NME8: variants seen among roughly 807,000 people sequenced by gnomAD.
NME8 encodes NME/NM23 family member 8, also known as protein NME8.
In NME8, 72 loss-of-function variants were observed where a neutral mutation model predicts 82.3. The observed-to-expected ratio is 0.87, with a 90% CI of 0.72 to 1.06. The LOEUF is 1.06. NME8 is among the 50% of genes least tolerant of loss of function. The pLI, the probability that NME8 is intolerant of heterozygous loss-of-function variation, is 0.00. For synonymous variants in NME8, 267 were observed against 228.5 expected (o/e 1.17, Z -1.52); for missense variants, 712 against 685.4 (o/e 1.04, Z -0.43).
At chr7:37,887,317 G>A (rs1300439835) in intron 14 of NME8, among the ~76,000 whole-genome samples, 1 of 152,110 alleles carries the variant, frequency 6.6e-6, no homozygotes. Context: ...CTCACCTGGA[G>A]GTTTCCCTTC....
chr7:37,850,506 T>C lies in NME8; in HGVS notation c.91+71T>C, dbSNP rs1009304897. Reference sequence around the variant, plus strand: ...AGCTCCTCCTGGCACCCTGTCCCTCTAGAGTCCCCACTTTGACCAAGAAAT... The same window carrying C: ...AGCTCCTCCTGGCACCCTGTCCCTCCAGAGTCCCCACTTTGACCAAGAAAT... On this transcript the variant is annotated intron_variant, in intron 4 of 17. Transcript: ENST00000199447. The C allele has an allele frequency of 6.4e-6, 10 of 1,573,366 alleles. No homozygotes were observed. In the East Asian group the frequency reaches 1.8e-4, roughly 28 times the overall value.
At chr7:37,859,592 ACTAGAGGT>A (rs1413942621) in intron 6 of NME8, among the ~76,000 whole-genome samples, 1 of 152,116 alleles carries the variant, frequency 6.6e-6, no homozygotes, top group Non-Finnish European at 1.5e-5. Flanking sequence ...CTTTGCTATT[ACTAGAGGT>A]CTGTTTCACG....
At chr7:37,897,214 C>A in intron 17 of NME8, 107 bp downstream of exon 17, 1 of 735,902 alleles carries the variant, frequency 1.4e-6, no homozygotes, top group Non-Finnish European at 2.3e-6. Context: ...ATTCCTGAAT[C>A]AAGCTTTATT....
At chr7:37,882,021 G>T (rs754880336) in intron 12 of NME8, among the ~76,000 whole-genome samples, 144 of 152,322 alleles carry the variant, frequency 9.5e-4, no homozygotes, top group Non-Finnish European at 1.7e-3. Flanking sequence ...AGTTTTTGTT[G>T]TTGGTGGTTG....
chr7:37,876,951 T>A lies in NME8; in HGVS notation c.938T>A (p.Met313Lys), dbSNP rs563057857. The A allele has an allele frequency of 1.2e-6, 2 of 1,613,254 alleles. No homozygotes were observed. Among genetic ancestry groups the A allele is most frequent in the Admixed American group, 3.3e-5 (2 of 59,988 alleles). Reference protein sequence around the residue: ...FFPDFKKMKSMKLEKTLALLR... With the variant: ...FFPDFKKMKSKKLEKTLALLR... ...CCCGATTTTAAAAAAATGAAAAGCA[T>A]GAAATTAGAAAAGACATTGGCATTA... Residue 313 changes from methionine (M) to lysine (K), a missense_variant, in exon 12 of 18, where the codon ATG (methionine) becomes AAG (lysine). Met to Lys is a moderately conservative substitution (Grantham distance 95). Coordinates refer to ENST00000199447, the MANE Select transcript of NME8 (RefSeq NM_016616.5).
At chr7:37,876,810 A>G (rs1303633142) in intron 11 of NME8, 22 bp from the exon 12 acceptor site, 3 of 1,557,070 alleles carry the variant, frequency 1.9e-6, no homozygotes, top group Non-Finnish European at 2.7e-6. Context: ...ATAATCTTAA[A>G]TTATATTTTG....
intron 2 of NME8, 24 bp from the exon 3 acceptor site, chr7:37,850,236 T>A: frequency 6.3e-7 from 1 of 1,598,626 alleles, no homozygotes; most frequent in Non-Finnish European, 8.6e-7. Flanking sequence ...ACTTAAAAAT[T>A]TTTCTTTCTT....
At chr7:37,869,140 T>C (rs942022516) in intron 11 of NME8, among the ~76,000 whole-genome samples, 7 of 152,164 alleles carry the variant, frequency 4.6e-5, no homozygotes, top group Non-Finnish European at 8.8e-5. Context: ...TAATGAATCA[T>C]AGTGGCTTTT....
intron 5 of NME8, among the ~76,000 whole-genome samples, chr7:37,855,373 G>A (rs777170841): frequency 6.6e-6 from 1 of 152,168 alleles, no homozygotes; most frequent in Non-Finnish European, 1.5e-5. Context: ...GGGGTTAGCA[G>A]TTTTATTGAG....
chr7:37,878,873 A>G (rs1445084244), intron 12 of NME8, among the ~76,000 whole-genome samples: 1 of 152,142 alleles, frequency 6.6e-6, no homozygotes, highest in African/African-American at 2.4e-5. Flanking sequence ...TTAAAATATC[A>G]TTAACTAAAG....
intron 11 of NME8, among the ~76,000 whole-genome samples, chr7:37,871,465 G>A (rs1333661899): frequency 6.6e-6 from 1 of 152,222 alleles, no homozygotes; most frequent in East Asian, 1.9e-4. Context: ...TCTTTCTACA[G>A]ATCAGGAAGG....
At chr7:37,862,003 C>T (rs1054608750) in intron 6 of NME8, 25 bp from the exon 7 acceptor site, 2 of 1,435,764 alleles carry the variant, frequency 1.4e-6, no homozygotes, top group African/African-American at 1.4e-5. Context: ...TGAAAGTTCC[C>T]CTCCTGTTTT....
chr7:37,879,603 A>G (rs185666632), intron 12 of NME8, among the ~76,000 whole-genome samples: 3 of 152,308 alleles, frequency 2.0e-5, no homozygotes, highest in Admixed American at 1.3e-4. Context: ...TACCTATAGA[A>G]GGGCATCTTG....
rs1455331675 is a variant in NME8 at position 37,863,479 on chromosome 7, C to T, written c.454+17C>T. On this transcript the variant is annotated intron_variant, in intron 8 of 17. Transcript: ENST00000199447. ...AAAGTGTTCGTAAGTAAATTTACTT[C>T]AAAGTAATCCAAGGGTTTTCTGTAC... 11 of 1,488,694 alleles carry T rather than the reference C, an allele frequency of 7.4e-6. No homozygotes were observed. In the Admixed American group the frequency reaches 1.5e-4, roughly 20 times the overall value. 92.2% of individuals were successfully genotyped at this position (1,488,694 alleles called of 1,614,324 possible).
chr7:37,886,877 AACAAAC>A (rs1785049041), intron 14 of NME8, among the ~76,000 whole-genome samples: 1 of 151,982 alleles, frequency 6.6e-6, no homozygotes, highest in South Asian at 2.1e-4. Context: ...AAAAAACAAA[AACAAAC>A]AAACAAAACC....
At chr7:37,852,391 G>A (rs1311419104) in intron 5 of NME8, among the ~76,000 whole-genome samples, 4 of 151,786 alleles carry the variant, frequency 2.6e-5, no homozygotes, top group African/African-American at 7.3e-5. Flanking sequence ...GTTCATTCTC[G>A]GTGTTGTACA....
At chr7:37,870,180 GGAA>G (rs1311284444) in intron 11 of NME8, among the ~76,000 whole-genome samples, 5 of 151,048 alleles carry the variant, frequency 3.3e-5, no homozygotes, top group African/African-American at 9.7e-5. Flanking sequence ...GGGGCACACT[GGAA>G]GAAGAAGAAT....
chr7:37,862,724 T>G (rs1784615114), intron 7 of NME8, among the ~76,000 whole-genome samples: 1 of 152,160 alleles, frequency 6.6e-6, no homozygotes, highest in Non-Finnish European at 1.5e-5. Flanking sequence ...TTCACACTTA[T>G]CAAATGCCCT....
At position 37,900,342 on chromosome 7, in the gene NME8, T is replaced by C. The variant is rs773828234; in HGVS notation, c.*114T>C. On this transcript the variant is annotated 3_prime_UTR_variant, in exon 18 of 18. Transcript: ENST00000199447. The stretch of plus-strand genomic sequence containing the variant: ...AGAAAAACATGCTTTGGAGGAAAAC[T>C]CAAGATACAAAAATGAATGGCTATG... 3 of 152,124 alleles carry C rather than the reference T, an allele frequency of 2.0e-5. No homozygotes were observed. The highest frequency in any genetic ancestry group is 2.9e-5 in the Non-Finnish European group (2 of 68,008). The allele number at this position is 152,124 out of a possible 1,614,324, so 9.4% of individuals were successfully genotyped here. A position where few individuals can be genotyped will look rare whatever the true frequency, so the allele number is the denominator to read the frequency against.
Sources: gnomAD v4.1 joint callset for allele counts (sites outside exome capture counted in the v4.1 genomes callset) on GRCh38, gnomAD v4.1.1 for gene constraint, MANE v1.5 for transcripts, NCBI Gene and HGNC (gene_info 2026-07-23, HGNC 2026-07-21) for gene names.